The following EXOSC10 variants were observed in gnomAD, a reference collection of about 807,000 sequenced individuals.
EXOSC10 encodes the protein exosome component 10, also known as exosome complex component 10.
Under a neutral mutation model 126.6 loss-of-function variants are expected in EXOSC10, and 94 were observed. The observed-to-expected ratio is 0.74, with a 90% CI of 0.63 to 0.88. EXOSC10 has a LOEUF of 0.88. EXOSC10 is among the 40% of genes least tolerant of loss of function. The pLI is 0.00. For missense variants in EXOSC10, 1,041 were observed against 1,100.5 expected (o/e 0.95, Z 0.77); for synonymous variants, 395 against 400.8 (o/e 0.99, Z 0.17).
chr1:11,069,244 T>TGTGTGTGAGAGAGAGAGAGAGAGA lies in EXOSC10; in HGVS notation c.2488+314_2488+315insTCTCTCTCTCTCTCTCTCACACAC. Reference sequence around the variant, plus strand: ...ACAAAATTCTGTGTGTGTGTGTGTGTGAGAGAGAGAGAGAGGGTTTATGGG... The same window carrying TGTGTGTGAGAGAGAGAGAGAGAGA: ...ACAAAATTCTGTGTGTGTGTGTGTGTGTGTGTGAGAGAGAGAGAGAGAGAGAGAGAGAGAGAGAGGGTTTATGGG... On this transcript the variant is annotated intron_variant, in intron 22 of 24. Transcript: ENST00000376936. Among the ~76,000 whole-genome samples the TGTGTGTGAGAGAGAGAGAGAGAGA allele has an allele frequency of 1.1e-4, 13 of 116,824 alleles. 1 individual carries two copies. The highest frequency in any genetic ancestry group is 1.6e-4 in the Non-Finnish European group (8 of 50,896). The allele number at this position is 116,824 out of a possible 152,430, so 76.6% of individuals were successfully genotyped here.
At position 11,074,249 on chromosome 1, in the gene EXOSC10, A is replaced by C. The variant is rs1639689130; in HGVS notation, c.2064T>G (p.Phe688Leu). Residue 688 changes from phenylalanine to leucine, a missense_variant, in exon 18 of 25, where the codon TTT becomes TTG. Coordinates refer to ENST00000376936, the MANE Select transcript of EXOSC10 (RefSeq NM_001001998.3). ...QKKAQNIMES[F>L]ENPFRMFLPS... ...TACTCACCATCCTAAATGGATTTTC[A>C]AAGGACTCCATGATGTTCTGGGCTT... is the stretch of plus-strand genomic sequence containing the variant. The C allele has an allele frequency of 1.2e-6, 2 of 1,613,852 alleles. No individual in the cohort carries two copies. Among genetic ancestry groups the C allele is most frequent in the Non-Finnish European group, 1.7e-6 (2 of 1,179,758 alleles).
At position 11,072,176 on chromosome 1, in the gene EXOSC10, A is replaced by G; in HGVS notation, c.2158-5T>C. ...CAGCTTCCAGCGGTTGCTGATCTAT[A>G]ATGAAAGCAAATATAACAAAAAAAA... On this transcript the variant is annotated splice_region_variant and splice_polypyrimidine_tract_variant and intron_variant, in intron 19 of 24. Coordinates refer to ENST00000376936, the MANE Select transcript of EXOSC10 (RefSeq NM_001001998.3). The G allele has an allele frequency of 6.2e-7, 1 of 1,602,024 alleles. No individual in the cohort carries two copies. The highest frequency in any genetic ancestry group is 8.5e-7 in the Non-Finnish European group (1 of 1,173,338).
chr1:11,071,139 G>A lies in EXOSC10; in HGVS notation c.2243-166C>T, dbSNP rs1182404599. On this transcript the variant is annotated intron_variant, in intron 20 of 24. Transcript: ENST00000376936. ...TCTCTGCAGGACAGGCTGCCTCAGA[G>A]CTCAGGCTCAGGTGCTCTGCCCACC... 6 of 604,858 alleles carry A rather than the reference G, an allele frequency of 9.9e-6. No homozygotes were observed. The East Asian group carries it at 1.7e-4, about 17-fold the overall frequency. The allele number at this position is 604,858 out of a possible 1,614,324, so 37.5% of individuals were successfully genotyped here.
intron 17 of EXOSC10, among the ~76,000 whole-genome samples, chr1:11,076,153 G>T (rs532209725): frequency 6.6e-6 from 1 of 151,656 alleles, no homozygotes; most frequent in Non-Finnish European, 1.5e-5. Context: ...CAACAAGAGC[G>T]AAACTCCATC....
Position 11,066,720 on chromosome 1 carries a change from A to G in EXOSC10, c.2656T>C (p.Ter886GlnextTer25). 2 of 1,614,244 alleles carry G rather than the reference A, an allele frequency of 1.2e-6. No individual in the cohort carries two copies. The highest frequency in any genetic ancestry group is 1.7e-6 in the Non-Finnish European group (2 of 1,180,038). ...CAGGCGCCACGTGTCTTCCAGGACT[A>G]TCTCTGTGGCCAGTTGTACCTGAAG... is the stretch of plus-strand genomic sequence containing the variant. ...RGFRYNWPQR* is the reference protein window; with the variant it reads ...RGFRYNWPQRQ Residue 886 changes from the stop codon to glutamine (Q), a stop_lost, in exon 25 of 25, where the codon TAG becomes CAG. Coordinates refer to ENST00000376936, the MANE Select transcript of EXOSC10 (RefSeq NM_001001998.3).
At chr1:11,095,166 C>T (rs1420996997) in intron 3 of EXOSC10, among the ~76,000 whole-genome samples, 6 of 149,092 alleles carry the variant, frequency 4.0e-5, no homozygotes, top group African/African-American at 1.0e-4. Context: ...GAACCAACAT[C>T]GCCCCACTGC....
In EXOSC10 at chr1:11,086,261, T is replaced by C. The variant is rs1640487661; in HGVS notation, c.1089+1187A>G. ...GAATCCATCTGGTCCTAGACTCTTT[T>C]TGGTTGGTAAGCTATTGATTATTGC... On this transcript the variant is annotated intron_variant, in intron 9 of 24. Transcript: ENST00000376936. Among the ~76,000 whole-genome samples, 3 of 152,150 alleles carry C rather than the reference T, an allele frequency of 2.0e-5. No individual in the cohort carries two copies. In the South Asian group the frequency reaches 6.2e-4, roughly 32 times the overall value.
At chr1:11,069,462 G>T in intron 22 of EXOSC10, 97 bp downstream of exon 22, 1 of 1,342,184 alleles carries the variant, frequency 7.5e-7, no homozygotes, top group Non-Finnish European at 1.0e-6. Context: ...CATGCCTTGT[G>T]CAGGACTCAC....
intron 21 of EXOSC10, among the ~76,000 whole-genome samples, chr1:11,070,203 C>T (rs1639377973): frequency 6.8e-6 from 1 of 147,036 alleles, no homozygotes; most frequent in Non-Finnish European, 1.5e-5. Context: ...CACCACTGTA[C>T]TCCAGCCTGG....
intron 17 of EXOSC10, among the ~76,000 whole-genome samples, chr1:11,074,846 C>G (rs1639724480): frequency 6.6e-6 from 1 of 152,168 alleles, no homozygotes; most frequent in Non-Finnish European, 1.5e-5. Flanking sequence ...GAATTCTCAG[C>G]ATGTCCTCAT....
intron 6 of EXOSC10, among the ~76,000 whole-genome samples, chr1:11,088,655 G>A (rs1460126300): frequency 6.6e-6 from 1 of 152,032 alleles, no homozygotes; most frequent in African/African-American, 2.4e-5. Context: ...TGTGTTCCTC[G>A]AGGATCACGG....
intron 2 of EXOSC10, among the ~76,000 whole-genome samples, chr1:11,096,451 TTTTCTTTC>T (rs1159378250): frequency 4.8e-5 from 7 of 147,346 alleles, no homozygotes; most frequent in African/African-American, 7.5e-5. Context: ...AGCCCAGCCT[TTTTCTTTC>T]TTTCTTTCTT....
Position 11,087,917 on chromosome 1 carries a change from C to A in EXOSC10, c.835-7G>T. On this transcript the variant is annotated splice_region_variant and splice_polypyrimidine_tract_variant and intron_variant, in intron 7 of 24. Transcript: ENST00000376936. ...CTTCTATAGGTCTGTATAACTGGAT[C>A]AAGAGAATAGTAAGAAAAAGGGAGG... The A allele has an allele frequency of 6.5e-7, 1 of 1,531,610 alleles. No individual in the cohort carries two copies. Among genetic ancestry groups the A allele is most frequent in the Admixed American group, 1.7e-5 (1 of 57,682 alleles). 94.9% of individuals were successfully genotyped at this position (1,531,610 alleles called of 1,614,324 possible).
At chr1:11,087,686 A>G (rs1640570503) in intron 8 of EXOSC10, 95 bp from the exon 9 acceptor site, 1 of 1,520,978 alleles carries the variant, frequency 6.6e-7, no homozygotes, top group Admixed American at 2.0e-5. Flanking sequence ...AAGCTAAGTT[A>G]TATGATTAAT....
chr1:11,076,295 C>T (rs1296844636), intron 17 of EXOSC10, among the ~76,000 whole-genome samples: 1 of 152,106 alleles, frequency 6.6e-6, no homozygotes, highest in Non-Finnish European at 1.5e-5. Context: ...CTGCAGTGAG[C>T]CATGATTGTG....
Position 11,073,944 on chromosome 1 carries a change from T to C in EXOSC10, c.2147A>G (p.Lys716Arg). The change falls in exon 19 of 25, where the codon AAA (lysine) becomes AGA (arginine). Residue 716 changes from lysine (K) to arginine (R), a missense_variant. Transcript: ENST00000376936. Reference sequence around the variant, plus strand: ...GACAAGTCCACTTACTTCATAGATTTTGGTTGATGGATCGAACTTCGCTGC... The same window carrying C: ...GACAAGTCCACTTACTTCATAGATTCTGGTTGATGGATCGAACTTCGCTGC... ...SQAAKFDPST[K>R]IYEISNRWKL... 1 of 1,608,008 alleles carries C rather than the reference T, an allele frequency of 6.2e-7. No homozygotes were observed. Among genetic ancestry groups the C allele is most frequent in the East Asian group, 2.2e-5 (1 of 44,796 alleles).
At chr1:11,092,105 T>C (rs575326420) in intron 3 of EXOSC10, among the ~76,000 whole-genome samples, 30 of 152,336 alleles carry the variant, frequency 2.0e-4, no homozygotes, top group Admixed American at 1.8e-3. Context: ...GTAATAAATA[T>C]ATAGATGGTC....
At chr1:11,075,946 G>A (rs1031016013) in intron 17 of EXOSC10, among the ~76,000 whole-genome samples, 1 of 150,062 alleles carries the variant, frequency 6.7e-6, no homozygotes, top group African/African-American at 2.5e-5. Context: ...TGGGTGGATC[G>A]CCTGAGGTCA....
chr1:11,082,872 G>C lies in EXOSC10; in HGVS notation c.1096C>G (p.His366Asp). ...LTDPAIVKVFHGADSDIEWLQ... is the reference protein window; with the variant it reads ...LTDPAIVKVFDGADSDIEWLQ... ...CATTCTATGTCTGAATCAGCACCAT[G>C]AAAGACCTGAAAACAGAACCAAAGT... The change falls in exon 10 of 25, where the codon CAT becomes GAT. Residue 366 changes from histidine to aspartate, a missense_variant. His to Asp is a moderately conservative substitution (Grantham distance 81). Coordinates refer to ENST00000376936, the MANE Select transcript of EXOSC10 (RefSeq NM_001001998.3). 1 of 1,613,944 alleles carries C rather than the reference G, an allele frequency of 6.2e-7. No individual in the cohort carries two copies. The highest frequency in any genetic ancestry group is 8.5e-7 in the Non-Finnish European group (1 of 1,179,828).
Sources: gnomAD v4.1 joint callset for allele counts (sites outside exome capture counted in the v4.1 genomes callset) on GRCh38, gnomAD v4.1.1 for gene constraint, MANE v1.5 for transcripts, NCBI Gene and HGNC (gene_info 2026-07-23, HGNC 2026-07-21) for gene names.